CPHXL: variants seen among roughly 807,000 people sequenced by gnomAD.
CPHXL encodes cytoplasmic polyadenylated homeobox-like protein.
At chr16:75,720,747 A>G (rs528849483) in intron 1 of CPHXL, among the ~76,000 whole-genome samples, 5 of 58,606 alleles carry the variant, frequency 8.5e-5, no homozygotes, top group Middle Eastern at 7.2e-3. Context: ...CAGGAAATAC[A>G]GAGAACACCA....
rs927075607 is a variant in CPHXL at position 75,726,489 on chromosome 16, G to A, written c.-47C>T. On this transcript the variant is annotated 5_prime_UTR_variant, in exon 1 of 3. Coordinates refer to ENST00000640559, the MANE Select transcript of CPHXL (RefSeq NM_001355613.1). ...TTCACGGAGACCAGCAAGCAACTGA[G>A]ATCAGCAAGCAACTGAGCAGCTCCT... is the stretch of plus-strand genomic sequence containing the variant. 13 of 398,494 alleles carry A rather than the reference G, an allele frequency of 3.3e-5. No homozygotes were observed. The East Asian group carries it at 4.3e-4, about 13-fold the overall frequency. The allele number at this position is 398,494 out of a possible 1,614,324, so 24.7% of individuals were successfully genotyped here.
chr16:75,719,083 A>AT (rs1428352202), intron 1 of CPHXL, among the ~76,000 whole-genome samples: 1 of 151,936 alleles, frequency 6.6e-6, no homozygotes, highest in Non-Finnish European at 1.5e-5. Context: ...AATATTTGCT[A>AT]TTTTTGGCAT....
chr16:75,726,212 T>TA (rs1300687570), intron 1 of CPHXL, among the ~76,000 whole-genome samples: 1 of 152,202 alleles, frequency 6.6e-6, no homozygotes, highest in Non-Finnish European at 1.5e-5. Context: ...ATGATCCTTG[T>TA]ATGGGACTCA....
chr16:75,715,244 G>A, intron 2 of CPHXL, 22 bp from the exon 3 acceptor site: 1 of 398,694 alleles, frequency 2.5e-6, no homozygotes, highest in Non-Finnish European at 4.4e-6. Flanking sequence ...AGATAATATT[G>A]TTTTATTGAC....
At chr16:75,724,269 C>A (rs1959521978) in intron 1 of CPHXL, among the ~76,000 whole-genome samples, 1 of 152,170 alleles carries the variant, frequency 6.6e-6, no homozygotes, top group African/African-American at 2.4e-5. Flanking sequence ...CCAAAATTGA[C>A]AAATGGGATC....
chr16:75,718,550 T>G, intron 1 of CPHXL, 92 bp from the exon 2 acceptor site: 4 of 395,456 alleles, frequency 1.0e-5, no homozygotes, highest in Non-Finnish European at 1.8e-5. Context: ...GCACCATAGA[T>G]TCCCTCCCCT....
chr16:75,719,039 G>T (rs1195498246), intron 1 of CPHXL, among the ~76,000 whole-genome samples: 3 of 151,908 alleles, frequency 2.0e-5, no homozygotes, highest in Admixed American at 6.5e-5. Flanking sequence ...GAGTGTAGTT[G>T]ATTTGTGAAC....
At chr16:75,725,420 C>G (rs996625897) in intron 1 of CPHXL, among the ~76,000 whole-genome samples, 3 of 151,706 alleles carry the variant, frequency 2.0e-5, no homozygotes, top group African/African-American at 7.3e-5. Context: ...TTTGTAGTAG[C>G]TGGGACTACA....
At chr16:75,720,956 C>T (rs1411397299) in intron 1 of CPHXL, among the ~76,000 whole-genome samples, 2 of 152,156 alleles carry the variant, frequency 1.3e-5, no homozygotes, top group African/African-American at 4.8e-5. Context: ...ATTCAATATT[C>T]TTAAAGAAAA....
chr16:75,717,648 T>C (rs368851450), intron 2 of CPHXL, among the ~76,000 whole-genome samples: 1 of 152,216 alleles, frequency 6.6e-6, no homozygotes, highest in Non-Finnish European at 1.5e-5. Context: ...CTCTCACATT[T>C]TTTTTGAAAC....
Position 75,714,520 on chromosome 16 carries a change from G to A in CPHXL, c.922C>T (p.Gln308Ter), listed in dbSNP as rs1959361475. ...TGCAGGTGATACTGCCAATCATTCT[G>A]CTGCTGTTGTCCCAGCAGTGAGAGA... ...FCLSLLGQQQ[Q>*]NDWQYHLQQH... Residue 308 changes from glutamine (Q) to a stop codon, truncating the protein, a stop_gained, in exon 3 of 3, where the codon CAG becomes TAG. Coordinates refer to ENST00000640559, the MANE Select transcript of CPHXL (RefSeq NM_001355613.1). LOFTEE classifies it low-confidence loss of function (END_TRUNC). 1.5e-5 allele frequency: 6 copies of A among 398,522 alleles called. No homozygotes were observed. The highest frequency in any genetic ancestry group is 1.3e-4 in the Admixed American group (3 of 22,714). The allele number at this position is 398,522 out of a possible 1,614,324, so 24.7% of individuals were successfully genotyped here.
chr16:75,722,076 A>C (rs1959486159), intron 1 of CPHXL, among the ~76,000 whole-genome samples: 1 of 152,230 alleles, frequency 6.6e-6, no homozygotes, highest in African/African-American at 2.4e-5. Context: ...GACCCAACAT[A>C]CCAGAATCTC....
intron 2 of CPHXL, among the ~76,000 whole-genome samples, chr16:75,717,541 CTACA>C (rs1370100225): frequency 2.6e-5 from 4 of 152,126 alleles, no homozygotes; most frequent in African/African-American, 9.7e-5. Flanking sequence ...AACACAAATG[CTACA>C]TAAATATTTC....
chr16:75,725,182 G>C (rs964688988), intron 1 of CPHXL, among the ~76,000 whole-genome samples: 5 of 151,902 alleles, frequency 3.3e-5, no homozygotes, highest in African/African-American at 1.2e-4. Context: ...GTTAAATGAC[G>C]AGTTAATGGG....
At chr16:75,718,627 G>A (rs1959428693) in intron 1 of CPHXL, among the ~76,000 whole-genome samples, 169 bp from the exon 2 acceptor site, 1 of 152,136 alleles carries the variant, frequency 6.6e-6, no homozygotes, top group Non-Finnish European at 1.5e-5. Context: ...ATGAAAGCAG[G>A]AATTGGCTAA....
chr16:75,722,485 C>T (rs2151839899), intron 1 of CPHXL, among the ~76,000 whole-genome samples: 1 of 152,284 alleles, frequency 6.6e-6, no homozygotes, highest in South Asian at 2.1e-4. Context: ...CACCTCTACA[C>T]AAGTAAACTA....
At chr16:75,722,592 T>G (rs887050826) in intron 1 of CPHXL, among the ~76,000 whole-genome samples, 1 of 152,008 alleles carries the variant, frequency 6.6e-6, no homozygotes, top group African/African-American at 2.4e-5. Context: ...AATAACAGGC[T>G]CTGAAATTGA....
chr16:75,725,318 T>C (rs1452214338), intron 1 of CPHXL, among the ~76,000 whole-genome samples: 1 of 152,140 alleles, frequency 6.6e-6, no homozygotes, highest in East Asian at 1.9e-4. Flanking sequence ...TGAGACAGTC[T>C]CCCTCTGTCG....
intron 2 of CPHXL, among the ~76,000 whole-genome samples, chr16:75,715,718 CAG>C (rs978998043): frequency 4.0e-5 from 6 of 150,494 alleles, no homozygotes; most frequent in Non-Finnish European, 7.4e-5. Context: ...TTTTTTTGGA[CAG>C]AGTTTTGCTC....
Sources: gnomAD v4.1 joint callset for allele counts (sites outside exome capture counted in the v4.1 genomes callset) on GRCh38, gnomAD v4.1.1 for gene constraint, MANE v1.5 for transcripts, NCBI Gene and HGNC (gene_info 2026-07-23, HGNC 2026-07-21) for gene names.